Variants in CHN1 observed in about 807,000 individuals in gnomAD.
The protein encoded by CHN1 is chimerin 1, also known as N-chimaerin.
CHN1 carries 37 observed loss-of-function variants against 59.5 expected under a neutral mutation model. The observed-to-expected ratio is 0.62, with a 90% CI of 0.48 to 0.82. The LOEUF is 0.82. CHN1 is among the 40% of genes least tolerant of loss of function. The pLI, the probability that CHN1 is intolerant of heterozygous loss-of-function variation, is 0.00. For synonymous variants in CHN1, 206 were observed against 200.4 expected (o/e 1.03, Z -0.24); for missense variants, 469 against 571.0 (o/e 0.82, Z 1.82).
At chr2:174,895,839 CA>C (rs1328920951) in intron 5 of CHN1, among the ~76,000 whole-genome samples, 4 of 152,002 alleles carry the variant, frequency 2.6e-5, no homozygotes, top group African/African-American at 9.7e-5. Flanking sequence ...GCTCAACTCA[CA>C]AAAAACTGTT....
chr2:174,998,981 G>C (rs1440824317), intron 1 of CHN1, among the ~76,000 whole-genome samples: 1 of 152,014 alleles, frequency 6.6e-6, no homozygotes, highest in Non-Finnish European at 1.5e-5. Flanking sequence ...GTGGTTTTTA[G>C]TGTATTCACA....
At chr2:174,963,658 T>C (rs1471121772) in intron 1 of CHN1, among the ~76,000 whole-genome samples, 1 of 152,184 alleles carries the variant, frequency 6.6e-6, no homozygotes, top group East Asian at 1.9e-4. Context: ...AATAACGCAC[T>C]ATGAGTTCTT....
In CHN1 at chr2:174,918,527, T is replaced by C. The variant is rs776093116; in HGVS notation, c.146+7A>G. ...CTATAAAACGTTTTCTAATAATCCA[T>C]ACTTACTCTCTTCCATAATACTTTG... On this transcript the variant is annotated splice_region_variant and intron_variant, in intron 4 of 12. Transcript: ENST00000409900. 1.3e-6 allele frequency: 2 copies of C among 1,584,314 alleles called. No individual in the cohort carries two copies. Among genetic ancestry groups the C allele is most frequent in the Non-Finnish European group, 1.7e-6 (2 of 1,163,324 alleles).
chr2:174,890,530 A>G (rs187548485), intron 5 of CHN1, among the ~76,000 whole-genome samples: 47 of 151,972 alleles, frequency 3.1e-4, no homozygotes, highest in Middle Eastern at 6.8e-3. Flanking sequence ...ATCTTTAAAA[A>G]GAAGAAGAAG....
At chr2:174,985,921 TTCA>T (rs543745046) in intron 1 of CHN1, among the ~76,000 whole-genome samples, 23 of 152,318 alleles carry the variant, frequency 1.5e-4, no homozygotes, top group African/African-American at 5.5e-4. Flanking sequence ...TTTCACTCTA[TTCA>T]TCAGTATAAT....
At chr2:174,940,890 C>T (rs1489462563) in intron 3 of CHN1, among the ~76,000 whole-genome samples, 17 of 152,186 alleles carry the variant, frequency 1.1e-4, no homozygotes, top group Non-Finnish European at 2.9e-5. Context: ...ACTGATGATC[C>T]TTGCCTGGAG....
At chr2:174,801,237 C>T (rs1359505739) in intron 12 of CHN1, among the ~76,000 whole-genome samples, 1 of 152,180 alleles carries the variant, frequency 6.6e-6, no homozygotes, top group African/African-American at 2.4e-5. Flanking sequence ...CCACTTTTTA[C>T]ATCAGTTTGC....
intron 1 of CHN1, among the ~76,000 whole-genome samples, chr2:174,980,207 C>T (rs1008101828): frequency 6.6e-6 from 1 of 152,128 alleles, no homozygotes. Flanking sequence ...CTAATTCACC[C>T]AGGGAATTAC....
At chr2:174,840,161 C>CTTTTTTTTTTTTT (rs71407154) in intron 7 of CHN1, among the ~76,000 whole-genome samples, 2 of 67,388 alleles carry the variant, frequency 3.0e-5, no homozygotes, top group Non-Finnish European at 5.3e-5. Flanking sequence ...TAAAACCATT[C>CTTTTTTTTTTTTT]TTTTTTTTTT....
chr2:174,823,247 T>C lies in CHN1; in HGVS notation c.712+1187A>G, dbSNP rs554117843. The stretch of plus-strand genomic sequence containing the variant: ...GTATATTTTTTAGTGTAAAGCTTCA[T>C]GCTAAAAGACATGTAAGAAGATATT... On this transcript the variant is annotated intron_variant, in intron 8 of 12. Coordinates refer to ENST00000409900, the MANE Select transcript of CHN1 (RefSeq NM_001822.7). Among the ~76,000 whole-genome samples the C allele has an allele frequency of 3.9e-4, 59 of 152,378 alleles. No homozygotes were observed. The South Asian group carries it at 0.012, about 30-fold the overall frequency.
intron 11 of CHN1, among the ~76,000 whole-genome samples, chr2:174,804,298 A>G (rs1219579444): frequency 6.6e-6 from 1 of 152,168 alleles, no homozygotes; most frequent in Non-Finnish European, 1.5e-5. Flanking sequence ...TTGTGGCTGC[A>G]GTAGAGTGAG....
intron 7 of CHN1, among the ~76,000 whole-genome samples, chr2:174,838,661 C>G (rs563948175): frequency 6.6e-6 from 1 of 151,818 alleles, no homozygotes; most frequent in Non-Finnish European, 1.5e-5. Flanking sequence ...ATGTCTCAAA[C>G]GGGGGAAAAA....
At chr2:174,836,434 T>A (rs1686083507) in intron 7 of CHN1, among the ~76,000 whole-genome samples, 1 of 152,190 alleles carries the variant, frequency 6.6e-6, no homozygotes, top group African/African-American at 2.4e-5. Context: ...AGGCTTCAGT[T>A]TCTACACATG....
At chr2:174,801,964 A>T (rs1278066405) in intron 11 of CHN1, 152 bp from the exon 12 acceptor site, 1 of 580,488 alleles carries the variant, frequency 1.7e-6, no homozygotes, top group African/African-American at 1.9e-5. Context: ...ATTATTTTTA[A>T]GGTTCAAGTC....
chr2:174,897,643 C>T (rs1260915242), intron 5 of CHN1, among the ~76,000 whole-genome samples: 2 of 151,942 alleles, frequency 1.3e-5, no homozygotes, highest in Non-Finnish European at 1.5e-5. Flanking sequence ...AGTTAAGCTA[C>T]CCATATATGT....
intron 5 of CHN1, among the ~76,000 whole-genome samples, chr2:174,888,631 A>G (rs1318857507): frequency 6.6e-6 from 1 of 152,234 alleles, no homozygotes; most frequent in Non-Finnish European, 1.5e-5. Flanking sequence ...AAAGCCCAGA[A>G]GGAGGTGCAT....
At chr2:174,929,403 C>T (rs995895214) in intron 3 of CHN1, among the ~76,000 whole-genome samples, 2 of 152,034 alleles carry the variant, frequency 1.3e-5, no homozygotes, top group Non-Finnish European at 2.9e-5. Flanking sequence ...CATGGTGAAA[C>T]CCTGCCTCTA....
intron 1 of CHN1, among the ~76,000 whole-genome samples, chr2:174,987,856 A>G (rs970075730): frequency 6.6e-6 from 1 of 152,190 alleles, no homozygotes; most frequent in African/African-American, 2.4e-5. Flanking sequence ...GCAATTTTAT[A>G]TAGATGTGTT....
chr2:174,834,481 T>A (rs1049858351), intron 7 of CHN1, among the ~76,000 whole-genome samples: 32 of 152,240 alleles, frequency 2.1e-4, no homozygotes, highest in Admixed American at 1.4e-3. Flanking sequence ...TTTGTTTGTT[T>A]AAAAAAATAA....
Sources: allele counts gnomAD v4.1 joint callset (sites outside exome capture counted in the v4.1 genomes callset), GRCh38; gene constraint gnomAD v4.1.1; transcripts MANE v1.5; gene names NCBI Gene and HGNC (gene_info 2026-07-23, HGNC 2026-07-21).